EYS: variants seen among roughly 807,000 people sequenced by gnomAD.
EYS encodes the protein EGF-like photoreceptor maintenance factor.
Under a neutral mutation model 282.1 loss-of-function variants are expected in EYS, and 250 were observed. The ratio of observed to expected loss-of-function variants is 0.89; its 90% CI spans 0.80 to 0.98. The LOEUF (loss-of-function observed/expected upper bound fraction) is 0.98, where lower values mean the gene tolerates loss of function less well. EYS is among the 50% of genes least tolerant of loss of function. The pLI, the probability that EYS is intolerant of heterozygous loss-of-function variation, is 0.00. For missense variants in EYS, 4,016 were observed against 3,709.0 expected, an observed-to-expected ratio of 1.08 and a Z score of -2.15; for synonymous variants, 1,355 against 1,282.9, an observed-to-expected ratio of 1.06 and a Z score of -1.20.
At chr6:64,345,419 T>C (rs1440760178) in intron 29 of EYS, among the ~76,000 whole-genome samples, 1 of 152,116 alleles carries the variant, frequency 6.6e-6, no homozygotes, top group African/African-American at 2.4e-5. Flanking sequence ...TATCTGATCT[T>C]TGACAAACCT....
chr6:64,803,719 G>A (rs1418946269), intron 22 of EYS, among the ~76,000 whole-genome samples: 2 of 152,224 alleles, frequency 1.3e-5, no homozygotes, highest in African/African-American at 2.4e-5. Flanking sequence ...AAAATCTGGA[G>A]GGGGCCAGGG....
At chr6:65,482,323 T>C (rs1765637898) in intron 5 of EYS, among the ~76,000 whole-genome samples, 1 of 152,200 alleles carries the variant, frequency 6.6e-6, no homozygotes, top group Non-Finnish European at 1.5e-5. Flanking sequence ...AGCTTTAACA[T>C]TGACTATACA....
intron 13 of EYS, among the ~76,000 whole-genome samples, chr6:65,006,072 C>A (rs902885730): frequency 1.3e-5 from 2 of 151,878 alleles, no homozygotes; most frequent in Admixed American, 6.6e-5. Context: ...TAGGCTATAA[C>A]CCAGGGAGTC....
chr6:65,672,460 A>G (rs1041143204), intron 1 of EYS, among the ~76,000 whole-genome samples: 1 of 152,146 alleles, frequency 6.6e-6, no homozygotes, highest in African/African-American at 2.4e-5. Flanking sequence ...CAAAATATGT[A>G]GCTGGGTCAT....
At chr6:65,060,332 C>T (rs899839356) in intron 12 of EYS, among the ~76,000 whole-genome samples, 3 of 151,348 alleles carry the variant, frequency 2.0e-5, no homozygotes, top group East Asian at 1.9e-4. Flanking sequence ...TAACACAATA[C>T]GTATACACCC....
chr6:63,770,243 A>G (rs971304149), intron 40 of EYS, among the ~76,000 whole-genome samples: 1 of 152,114 alleles, frequency 6.6e-6, no homozygotes, highest in Non-Finnish European at 1.5e-5. Context: ...AAGCTAATAC[A>G]GAAAAATATA....
intron 32 of EYS, among the ~76,000 whole-genome samples, chr6:64,071,854 A>G (rs1036264700): frequency 1.3e-5 from 2 of 151,688 alleles, no homozygotes; most frequent in Admixed American, 6.6e-5. Context: ...ATTTGCATAA[A>G]AACAGTGCAA....
chr6:63,906,245 G>A (rs904694501), intron 35 of EYS, among the ~76,000 whole-genome samples: 33 of 152,238 alleles, frequency 2.2e-4, no homozygotes, highest in African/African-American at 7.9e-4. Context: ...AATTCACTTA[G>A]CATTTCATTC....
chr6:65,512,674 T>C (rs950148260), intron 2 of EYS, among the ~76,000 whole-genome samples: 5 of 151,982 alleles, frequency 3.3e-5, no homozygotes, highest in Non-Finnish European at 5.9e-5. Context: ...CTGAACAACC[T>C]GCTCCTGAAT....
intron 37 of EYS, among the ~76,000 whole-genome samples, chr6:63,798,983 GTGTGTATATATATATATATATATATA>G (rs1770711648): frequency 9.8e-6 from 1 of 102,032 alleles, no homozygotes; most frequent in Non-Finnish European, 1.9e-5. Context: ...ATATGTATAT[GTGTGTATATATATATATATATATATA>G]TATATATATA....
At chr6:65,432,246 A>C (rs1438380624) in intron 5 of EYS, among the ~76,000 whole-genome samples, 1 of 152,166 alleles carries the variant, frequency 6.6e-6, no homozygotes, top group Non-Finnish European at 1.5e-5. Flanking sequence ...TATGAAACAT[A>C]AAATTATTGT....
intron 14 of EYS, among the ~76,000 whole-genome samples, chr6:64,990,747 T>C (rs1771035898): frequency 6.6e-6 from 1 of 151,604 alleles, no homozygotes; most frequent in South Asian, 2.1e-4. Context: ...TAAACCTCTC[T>C]TCTCTGTAAT....
intron 5 of EYS, among the ~76,000 whole-genome samples, chr6:65,472,500 T>A (rs1352859923): frequency 6.6e-6 from 1 of 152,110 alleles, no homozygotes; most frequent in Non-Finnish European, 1.5e-5. Flanking sequence ...TTTGATGAGC[T>A]TTTGAATAAC....
At position 64,822,823 on chromosome 6, in the gene EYS, C is replaced by T. The variant is rs1303686019; in HGVS notation, c.2993-1G>A. ...TCTAGATTTATTTCACAGTTGATGC[C>T]TGTGTTGGAACAGACAAGGCAAAAC... On this transcript the variant is annotated splice_acceptor_variant, in intron 19 of 42. Coordinates refer to ENST00000503581, the MANE Select transcript of EYS (RefSeq NM_001142800.2). LOFTEE classifies it high-confidence loss of function. The T allele has an allele frequency of 6.5e-7, 1 of 1,547,056 alleles. No homozygotes were observed. Among genetic ancestry groups the T allele is most frequent in the Non-Finnish European group, 8.7e-7 (1 of 1,144,772 alleles).
chr6:64,298,234 T>G (rs538525393), intron 30 of EYS, among the ~76,000 whole-genome samples: 1 of 152,124 alleles, frequency 6.6e-6, no homozygotes, highest in Non-Finnish European at 1.5e-5. Context: ...GTTTTCTAAA[T>G]AATTAAACAG....
At chr6:64,193,841 T>C (rs1765194253) in intron 31 of EYS, among the ~76,000 whole-genome samples, 1 of 152,318 alleles carries the variant, frequency 6.6e-6, no homozygotes, top group South Asian at 2.1e-4. Context: ...CATCCTTTTT[T>C]ATGGCTGCGT....
At chr6:65,277,320 C>A (rs1768075130) in intron 12 of EYS, among the ~76,000 whole-genome samples, 1 of 151,930 alleles carries the variant, frequency 6.6e-6, no homozygotes, top group African/African-American at 2.4e-5. Context: ...GTAGTCCCAG[C>A]TACTCAGGAG....
chr6:63,930,338 T>A (rs1014419714), intron 35 of EYS, among the ~76,000 whole-genome samples: 1 of 130,270 alleles, frequency 7.7e-6, no homozygotes, highest in Non-Finnish European at 1.6e-5. Context: ...TTACATTCAG[T>A]TTTGTAACCT....
intron 19 of EYS, among the ~76,000 whole-genome samples, chr6:64,859,634 C>G (rs1766171000): frequency 6.6e-6 from 1 of 152,150 alleles, no homozygotes; most frequent in Admixed American, 6.5e-5. Context: ...GAGAGTTTCC[C>G]TGCACAACCT....
Sources: gnomAD v4.1 joint callset for allele counts (sites outside exome capture counted in the v4.1 genomes callset) on GRCh38, gnomAD v4.1.1 for gene constraint, MANE v1.5 for transcripts, NCBI Gene and HGNC (gene_info 2026-07-23, HGNC 2026-07-21) for gene names.